The following AGMO variants were observed in gnomAD, a reference collection of about 807,000 sequenced individuals.
AGMO encodes the protein glyceryl-ether monooxygenase.
A neutral mutation model predicts 60.2 loss-of-function variants in AGMO; 75 were observed. The ratio of observed to expected loss-of-function variants is 1.25; its 90% confidence interval spans 1.03 to 1.51. AGMO has a LOEUF of 1.51. AGMO is among the 40% of genes most tolerant of loss of function. AGMO has a pLI of 0.00. For missense variants in AGMO, 763 were observed against 525.5 expected (o/e 1.45, Z -4.42); for synonymous variants, 261 against 177.1 (o/e 1.47, Z -3.76).
chr7:15,134,656 G>A, the AGMO span, among the ~76,000 whole-genome samples: 1 of 152,068 alleles, frequency 6.6e-6, no homozygotes, highest in Non-Finnish European at 1.5e-5. Flanking sequence ...TGGCTATGTA[G>A]TATCCCATGG....
the AGMO span, among the ~76,000 whole-genome samples, chr7:15,187,301 A>G: frequency 6.6e-6 from 1 of 152,176 alleles, no homozygotes; most frequent in Admixed American, 6.5e-5. Context: ...TCATTAAGAG[A>G]TATTTCTTCC....
chr7:15,197,884 T>C (rs772817271), downstream of AGMO, among the ~76,000 whole-genome samples: 28 of 152,158 alleles, frequency 1.8e-4, no homozygotes, highest in Non-Finnish European at 8.8e-5. Flanking sequence ...ATCATGGACT[T>C]CAATGTTCGA....
At chr7:15,548,981 T>C (rs1224573526) in intron 2 of AGMO, among the ~76,000 whole-genome samples, 8 of 150,558 alleles carry the variant, frequency 5.3e-5, no homozygotes, top group East Asian at 3.9e-4. Flanking sequence ...GCAGAAACCC[T>C]ACAAGCCAGA....
the AGMO span, among the ~76,000 whole-genome samples, chr7:15,171,312 G>A: frequency 6.6e-6 from 1 of 152,148 alleles, no homozygotes; most frequent in Non-Finnish European, 1.5e-5. Flanking sequence ...GAAGACCACA[G>A]AGGTAAAGAG....
intron 12 of AGMO, among the ~76,000 whole-genome samples, chr7:15,218,001 C>A (rs1423571502): frequency 6.6e-6 from 1 of 151,390 alleles, no homozygotes; most frequent in African/African-American, 2.4e-5. Flanking sequence ...TAAATGACAA[C>A]GAATATACTG....
At chr7:15,173,420 T>C in the AGMO span, among the ~76,000 whole-genome samples, 1 of 152,166 alleles carries the variant, frequency 6.6e-6, no homozygotes, top group African/African-American at 2.4e-5. Flanking sequence ...TTATATAGTA[T>C]TGATTCCTTT....
chr7:15,322,761 T>A (rs1450450806), intron 12 of AGMO, among the ~76,000 whole-genome samples: 2 of 120,994 alleles, frequency 1.7e-5, no homozygotes, highest in South Asian at 2.5e-4. Context: ...TAAATATATA[T>A]ATCACAAAAT....
At chr7:15,218,995 G>A (rs1203991838) in intron 12 of AGMO, among the ~76,000 whole-genome samples, 2 of 152,130 alleles carry the variant, frequency 1.3e-5, no homozygotes, top group Non-Finnish European at 2.9e-5. Flanking sequence ...AATTAAATAG[G>A]AGAACAAGTC....
At position 15,387,506 on chromosome 7, in the gene AGMO, C is replaced by G; in HGVS notation, c.857G>C (p.Trp286Ser). Residue 286 changes from tryptophan (W) to serine (S), a missense_variant, in exon 9 of 13, where the codon TGG (tryptophan) becomes TCG (serine). Trp to Ser is a radical substitution (Grantham distance 177). Coordinates refer to ENST00000342526, the MANE Select transcript of AGMO (RefSeq NM_001004320.2). ...HHLFSIWTTF[W>S]ATPGFFNKFS... ...CTTATTGAAGAATCCAGGTGTGGCC[C>G]AGAATGTAGTCCATATGGAAAATAA... The G allele has an allele frequency of 6.2e-7, 1 of 1,613,460 alleles. No individual in the cohort carries two copies. The highest frequency in any genetic ancestry group is 1.1e-5 in the South Asian group (1 of 91,036).
intron 4 of AGMO, among the ~76,000 whole-genome samples, chr7:15,421,371 G>A (rs1780917282): frequency 6.6e-6 from 1 of 152,114 alleles, no homozygotes; most frequent in Admixed American, 6.6e-5. Context: ...CTAAACCAGA[G>A]AAGGGAGCCA....
intron 12 of AGMO, among the ~76,000 whole-genome samples, chr7:15,287,708 C>G (rs1375624921): frequency 6.6e-6 from 1 of 152,024 alleles, no homozygotes; most frequent in Non-Finnish European, 1.5e-5. Context: ...CAGAACTTTT[C>G]GAAATAATTT....
chr7:15,473,129 A>C (rs1782492268), intron 3 of AGMO, among the ~76,000 whole-genome samples: 1 of 152,032 alleles, frequency 6.6e-6, no homozygotes, highest in Non-Finnish European at 1.5e-5. Context: ...CTTCTACGCA[A>C]ATAAACTAGA....
At chr7:15,256,159 T>C (rs1423244011) in intron 12 of AGMO, among the ~76,000 whole-genome samples, 1 of 152,172 alleles carries the variant, frequency 6.6e-6, no homozygotes. Flanking sequence ...GAATCTTTGA[T>C]ATATCCAAGG....
chr7:15,356,447 C>T (rs1426475628), intron 12 of AGMO, among the ~76,000 whole-genome samples: 2 of 151,852 alleles, frequency 1.3e-5, no homozygotes, highest in Admixed American at 1.3e-4. Flanking sequence ...ATATAAGAAA[C>T]CATATATAGT....
At chr7:15,381,653 C>A (rs1187932912) in intron 10 of AGMO, among the ~76,000 whole-genome samples, 2 of 152,074 alleles carry the variant, frequency 1.3e-5, no homozygotes, top group African/African-American at 4.8e-5. Flanking sequence ...CTATTCCACC[C>A]AGCAATCCCA....
At chr7:15,355,274 G>A (rs972619788) in intron 12 of AGMO, among the ~76,000 whole-genome samples, 5 of 152,066 alleles carry the variant, frequency 3.3e-5, no homozygotes, top group African/African-American at 1.2e-4. Context: ...AGGCCGAGAC[G>A]GGCGGATCAC....
At chr7:15,385,838 T>G (rs1264622484) in intron 9 of AGMO, among the ~76,000 whole-genome samples, 1 of 152,168 alleles carries the variant, frequency 6.6e-6, no homozygotes, top group Admixed American at 6.5e-5. Flanking sequence ...GTATCTTCCC[T>G]ATTTGATATG....
chr7:15,315,957 G>C (rs535133818), intron 12 of AGMO, among the ~76,000 whole-genome samples: 2 of 152,076 alleles, frequency 1.3e-5, no homozygotes, highest in East Asian at 3.9e-4. Flanking sequence ...ATTATCTAGG[G>C]AAATAATTTA....
chr7:15,390,747 G>C lies in AGMO; in HGVS notation c.746C>G (p.Thr249Arg). The change falls in exon 8 of 13, where the codon ACA (threonine) becomes AGA (arginine). Residue 249 changes from threonine (T) to arginine (R), a missense_variant. By Grantham distance (71) the Thr-to-Arg change is moderately conservative. Transcript: ENST00000342526. ...VLIIWDKIFG[T>R]FEAENEKVVY... ...AACTTTTTCATTTTCTGCTTCAAAT[G>C]TCCCTGGAAGATAAATATAAAGATA... 6.2e-7 allele frequency: 1 copy of C among 1,607,220 alleles called. No homozygotes were observed. The highest frequency in any genetic ancestry group is 8.5e-7 in the Non-Finnish European group (1 of 1,174,592).
Sources: allele counts gnomAD v4.1 joint callset (sites outside exome capture counted in the v4.1 genomes callset), GRCh38; gene constraint gnomAD v4.1.1; transcripts MANE v1.5; gene names NCBI Gene and HGNC (gene_info 2026-07-23, HGNC 2026-07-21).